Variants in SCHIP1 observed in about 807,000 individuals in gnomAD.
SCHIP1 encodes schwannomin-interacting protein 1.
In SCHIP1, 8 loss-of-function variants were observed where a neutral mutation model predicts 29.7. The observed-to-expected ratio is 0.27, with a 90% confidence interval of 0.16 to 0.49. The LOEUF (loss-of-function observed/expected upper bound fraction) is 0.49. Ranked by LOEUF, SCHIP1 falls within the 20% of genes least tolerant of loss-of-function variation. SCHIP1 has a pLI of 0.99. For synonymous variants in SCHIP1, 76 were observed against 94.9 expected (o/e 0.80, Z 1.16); for missense variants, 193 against 294.6 (o/e 0.66, Z 2.52).
At chr3:159,706,331 T>A in the SCHIP1 span, among the ~76,000 whole-genome samples, 1 of 152,188 alleles carries the variant, frequency 6.6e-6, no homozygotes, top group Non-Finnish European at 1.5e-5. Flanking sequence ...ATTTTTGGCT[T>A]CCAGTGTGTC....
the SCHIP1 span, among the ~76,000 whole-genome samples, chr3:159,481,875 C>G: frequency 1.6e-4 from 24 of 152,208 alleles, no homozygotes; most frequent in East Asian, 4.4e-3. Context: ...GTGTCTTCCT[C>G]CAGAGAATTT....
chr3:159,633,592 G>A, the SCHIP1 span, among the ~76,000 whole-genome samples: 1 of 152,174 alleles, frequency 6.6e-6, no homozygotes, highest in Non-Finnish European at 1.5e-5. Context: ...AGCATGAAAA[G>A]AATGGAGTAG....
At chr3:159,814,218 G>A in the SCHIP1 span, among the ~76,000 whole-genome samples, 1 of 152,204 alleles carries the variant, frequency 6.6e-6, no homozygotes, top group Non-Finnish European at 1.5e-5. Context: ...CTTTCACCCG[G>A]CTTGGATCCA....
the SCHIP1 span, among the ~76,000 whole-genome samples, chr3:159,362,046 G>C: frequency 6.6e-6 from 1 of 152,188 alleles, no homozygotes; most frequent in Non-Finnish European, 1.5e-5. Context: ...TCATTTGACT[G>C]GATCAGATCA....
the SCHIP1 span, among the ~76,000 whole-genome samples, chr3:159,557,610 G>T: frequency 3.9e-5 from 6 of 152,270 alleles, 1 homozygote; most frequent in African/African-American, 1.4e-4. Flanking sequence ...GAGCCCAAGA[G>T]TTCAAGATAA....
chr3:159,851,930 T>A (rs1211703432), intron 1 of SCHIP1, among the ~76,000 whole-genome samples: 1 of 152,208 alleles, frequency 6.6e-6, no homozygotes, highest in Non-Finnish European at 1.5e-5. Flanking sequence ...CTGACAAACA[T>A]GCAATTAATT....
chr3:159,681,044 A>C, the SCHIP1 span, among the ~76,000 whole-genome samples: 1 of 152,040 alleles, frequency 6.6e-6, no homozygotes, highest in Non-Finnish European at 1.5e-5. Context: ...TATTGTGTAT[A>C]TCAAGAATTG....
the SCHIP1 span, among the ~76,000 whole-genome samples, chr3:159,465,961 G>A: frequency 6.6e-6 from 1 of 152,034 alleles, no homozygotes; most frequent in Admixed American, 6.6e-5. Flanking sequence ...GAGTGAATGA[G>A]CTAATTATTT....
At chr3:159,558,254 A>T in the SCHIP1 span, among the ~76,000 whole-genome samples, 1 of 152,204 alleles carries the variant, frequency 6.6e-6, no homozygotes, top group Non-Finnish European at 1.5e-5. Context: ...ATGCATCAGG[A>T]ACTTTGGCCT....
At chr3:159,468,770 TA>T in the SCHIP1 span, among the ~76,000 whole-genome samples, 17 of 126,934 alleles carry the variant, frequency 1.3e-4, no homozygotes, top group African/African-American at 4.8e-4. Context: ...TATATATATA[TA>T]TATATATTTT....
chr3:159,730,552 T>C, the SCHIP1 span, among the ~76,000 whole-genome samples: 2 of 152,204 alleles, frequency 1.3e-5, no homozygotes, highest in Non-Finnish European at 2.9e-5. Flanking sequence ...TCTATTAATA[T>C]AATGTTTTGC....
the SCHIP1 span, among the ~76,000 whole-genome samples, chr3:159,618,733 G>T: frequency 1.3e-5 from 2 of 150,040 alleles, no homozygotes; most frequent in Non-Finnish European, 2.9e-5. Flanking sequence ...GTATAGAGTT[G>T]GGGAAACTGT....
chr3:159,671,955 T>TACTAAAAAGAATGTGTGATCATATTA, the SCHIP1 span, among the ~76,000 whole-genome samples: 2 of 152,186 alleles, frequency 1.3e-5, no homozygotes, highest in African/African-American at 4.8e-5. Flanking sequence ...GAGCACTTGG[T>TACTAAAAAGAATGTGTGATCATATTA]ACTAAAAAGA....
the SCHIP1 span, among the ~76,000 whole-genome samples, chr3:159,508,011 T>C: frequency 6.6e-6 from 1 of 152,234 alleles, no homozygotes; most frequent in Non-Finnish European, 1.5e-5. Context: ...TCCCTCTTTT[T>C]CTATTGATTG....
chr3:159,334,488 CA>C, the SCHIP1 span, among the ~76,000 whole-genome samples: 1 of 152,108 alleles, frequency 6.6e-6, no homozygotes, highest in East Asian at 1.9e-4. Context: ...TGAGTTTTGA[CA>C]CATGCATAGA....
the SCHIP1 span, chr3:159,722,325 C>G: frequency 3.2e-5 from 5 of 158,640 alleles, no homozygotes; most frequent in African/African-American, 9.6e-5. Context: ...AATCAAACCT[C>G]CTCTGAGTTC....
chr3:159,320,890 G>A, the SCHIP1 span, among the ~76,000 whole-genome samples: 3 of 151,592 alleles, frequency 2.0e-5, no homozygotes, highest in Admixed American at 6.6e-5. Flanking sequence ...TTCCTGGGGG[G>A]CTATGCAAAT....
chr3:159,478,311 C>T, the SCHIP1 span, among the ~76,000 whole-genome samples: 1 of 152,108 alleles, frequency 6.6e-6, no homozygotes, highest in Non-Finnish European at 1.5e-5. Context: ...TAACCAGTTT[C>T]CCCAACACCA....
At chr3:159,311,939 A>G in the SCHIP1 span, among the ~76,000 whole-genome samples, 2 of 152,338 alleles carry the variant, frequency 1.3e-5, no homozygotes, top group Admixed American at 1.3e-4. Flanking sequence ...GGCAAAAGAC[A>G]TAAGCTAGCA....
Sources: gnomAD v4.1 joint callset for allele counts (sites outside exome capture counted in the v4.1 genomes callset) on GRCh38, gnomAD v4.1.1 for gene constraint, MANE v1.5 for transcripts, NCBI Gene and HGNC (gene_info 2026-07-23, HGNC 2026-07-21) for gene names.